EYS: variants seen among roughly 807,000 people sequenced by gnomAD.
The protein encoded by EYS is EGF-like photoreceptor maintenance factor, also known as protein eyes shut homolog.
EYS carries 250 observed loss-of-function variants against 282.1 expected under a neutral mutation model. The observed-to-expected ratio is 0.89, with a 90% CI of 0.80 to 0.98. The LOEUF (loss-of-function observed/expected upper bound fraction) is 0.98. Ranked by LOEUF, EYS falls within the 50% of genes least tolerant of loss-of-function variation. The pLI is 0.00. For missense variants in EYS, 4,016 were observed against 3,709.0 expected, an observed-to-expected ratio of 1.08 and a Z score of -2.15; for synonymous variants, 1,355 against 1,282.9, an observed-to-expected ratio of 1.06 and a Z score of -1.20.
At chr6:64,453,509 A>G (rs1212157321) in intron 26 of EYS, among the ~76,000 whole-genome samples, 1 of 152,216 alleles carries the variant, frequency 6.6e-6, no homozygotes, top group Non-Finnish European at 1.5e-5. Flanking sequence ...ATTACTGGGT[A>G]TCTACCCAAA....
At chr6:64,470,515 C>T (rs954481799) in intron 26 of EYS, among the ~76,000 whole-genome samples, 2 of 152,068 alleles carry the variant, frequency 1.3e-5, no homozygotes, top group Non-Finnish European at 2.9e-5. Flanking sequence ...TCGGGGTGTC[C>T]AATCTTTTGC....
chr6:65,115,964 CT>C (rs1561973865), intron 12 of EYS, among the ~76,000 whole-genome samples: 11 of 100,642 alleles, frequency 1.1e-4, no homozygotes, highest in African/African-American at 5.6e-4. Flanking sequence ...GTCTGTCTAT[CT>C]AATCTATCTA....
In EYS at chr6:65,626,453, A is replaced by T. The variant is rs138406310; in HGVS notation, c.-333+13325T>A. On this transcript the variant is annotated intron_variant, in intron 2 of 42. Coordinates refer to ENST00000503581, the MANE Select transcript of EYS (RefSeq NM_001142800.2). ...TCTGGAATGTCCAAAAGCCTAGATG[A>T]TGTACTGTGGAACTCACATGATCCC... Among the ~76,000 whole-genome samples, 4 of 152,318 alleles carry T rather than the reference A, an allele frequency of 2.6e-5. No individual in the cohort carries two copies. The East Asian group carries it at 7.7e-4, about 29-fold the overall frequency.
At chr6:64,226,473 A>T (rs1167657518) in intron 31 of EYS, among the ~76,000 whole-genome samples, 1 of 152,094 alleles carries the variant, frequency 6.6e-6, no homozygotes, top group Non-Finnish European at 1.5e-5. Flanking sequence ...TAAAAATGTT[A>T]ATCTTATAAT....
At chr6:65,478,709 GT>G (rs1172007953) in intron 5 of EYS, among the ~76,000 whole-genome samples, 12 of 152,098 alleles carry the variant, frequency 7.9e-5, no homozygotes, top group African/African-American at 2.9e-4. Flanking sequence ...CCAAATTACT[GT>G]TTCTACTTGG....
intron 2 of EYS, 113 bp from the exon 3 acceptor site, chr6:65,496,106 T>G (rs1766249623): frequency 6.6e-6 from 1 of 152,154 alleles, no homozygotes; most frequent in Non-Finnish European, 1.5e-5. Context: ...TTTATGATAA[T>G]CCAGAGGATG....
intron 12 of EYS, among the ~76,000 whole-genome samples, chr6:65,288,143 C>A (rs558452007): frequency 6.6e-6 from 1 of 151,090 alleles, no homozygotes; most frequent in South Asian, 2.1e-4. Flanking sequence ...ATATCTTTAG[C>A]CCTCTTTCTA....
intron 14 of EYS, among the ~76,000 whole-genome samples, chr6:64,987,508 C>T (rs1256462697): frequency 1.3e-5 from 2 of 151,462 alleles, no homozygotes; most frequent in East Asian, 1.9e-4. Flanking sequence ...CTCTGAAATA[C>T]TGATTTGCTC....
At chr6:64,132,118 T>C (rs2150282418) in intron 31 of EYS, among the ~76,000 whole-genome samples, 1 of 152,248 alleles carries the variant, frequency 6.6e-6, no homozygotes, top group South Asian at 2.1e-4. Flanking sequence ...TCAATGATGT[T>C]TTATTGTATA....
At chr6:64,965,462 T>G (rs1312286353) in intron 14 of EYS, among the ~76,000 whole-genome samples, 2 of 152,046 alleles carry the variant, frequency 1.3e-5, no homozygotes, top group African/African-American at 4.8e-5. Flanking sequence ...GATATATTTG[T>G]AAATGTGCTG....
chr6:64,630,643 T>C (rs1489363460), intron 22 of EYS, among the ~76,000 whole-genome samples: 4 of 152,200 alleles, frequency 2.6e-5, no homozygotes, highest in Non-Finnish European at 5.9e-5. Context: ...TGGAATGAAC[T>C]CCACTTGCTA....
chr6:64,187,048 A>G (rs1270738300), intron 31 of EYS, among the ~76,000 whole-genome samples: 1 of 152,158 alleles, frequency 6.6e-6, no homozygotes, highest in Non-Finnish European at 1.5e-5. Flanking sequence ...CAACTCTGTG[A>G]TAATTTAAAG....
chr6:64,651,119 T>C (rs1768542440), intron 22 of EYS, among the ~76,000 whole-genome samples: 1 of 152,076 alleles, frequency 6.6e-6, no homozygotes, highest in Admixed American at 6.6e-5. Context: ...ACTTAAAAAT[T>C]GGTTTCAATG....
At chr6:65,162,845 C>T (rs991651463) in intron 12 of EYS, among the ~76,000 whole-genome samples, 4 of 151,004 alleles carry the variant, frequency 2.6e-5, no homozygotes, top group African/African-American at 7.3e-5. Context: ...CTCCATCATC[C>T]TTGGCCTATC....
chr6:63,949,652 C>T (rs991136163), intron 35 of EYS, among the ~76,000 whole-genome samples: 1 of 152,080 alleles, frequency 6.6e-6, no homozygotes, highest in Admixed American at 6.5e-5. Context: ...AGACTATGAC[C>T]TCCTTGAGTT....
intron 24 of EYS, among the ~76,000 whole-genome samples, chr6:64,611,874 C>A (rs1034340669): frequency 2.0e-5 from 3 of 152,098 alleles, no homozygotes; most frequent in Non-Finnish European, 4.4e-5. Context: ...AAAATATCTA[C>A]TTAAAAGAGC....
At chr6:64,454,631 G>C (rs927886925) in intron 26 of EYS, among the ~76,000 whole-genome samples, 1 of 151,810 alleles carries the variant, frequency 6.6e-6, no homozygotes, top group Admixed American at 6.6e-5. Flanking sequence ...GTATACTTGT[G>C]GTATAATAAA....
intron 1 of EYS, among the ~76,000 whole-genome samples, chr6:65,692,256 G>C (rs898158620): frequency 6.7e-6 from 1 of 150,104 alleles, no homozygotes; most frequent in Non-Finnish European, 1.5e-5. Context: ...AGGCATAGGA[G>C]ACTTGGAAAG....
chr6:64,489,416 T>C (rs1213551662), intron 26 of EYS, among the ~76,000 whole-genome samples: 3 of 150,230 alleles, frequency 2.0e-5, no homozygotes, highest in Non-Finnish European at 4.5e-5. Flanking sequence ...CATATCAATA[T>C]GCATAATATT....
Sources: allele counts gnomAD v4.1 joint callset (sites outside exome capture counted in the v4.1 genomes callset), GRCh38; gene constraint gnomAD v4.1.1; transcripts MANE v1.5; gene names NCBI Gene and HGNC (gene_info 2026-07-23, HGNC 2026-07-21).